NR1H4: variants seen among roughly 807,000 people sequenced by gnomAD.
The protein encoded by NR1H4 is nuclear receptor subfamily 1 group H member 4, also known as bile acid receptor.
A neutral mutation model predicts 58.5 loss-of-function variants in NR1H4; 23 were observed. The observed-to-expected ratio is 0.39, with a 90% CI of 0.28 to 0.56. The LOEUF is 0.56. Ranked by LOEUF, NR1H4 falls within the 20% of genes least tolerant of loss-of-function variation. NR1H4 has a pLI of 0.58. For missense variants in NR1H4, 487 were observed against 576.9 expected, an observed-to-expected ratio of 0.84 and a Z score of 1.60; for synonymous variants, 214 against 198.0, an observed-to-expected ratio of 1.08 and a Z score of -0.68.
In NR1H4 at chr12:100,561,962, T is replaced by G. The variant is rs1321307249; in HGVS notation, c.1156T>G (p.Tyr386Asp). The part of the protein sequence containing the change: ...IGELKMTQEE[Y>D]ALLTAIVILS... ...GGAACTGAAAATGACTCAAGAGGAG[T>G]ATGCTCTGCTTACAGCAATTGTTAT... is the stretch of plus-strand genomic sequence containing the variant. The change falls in exon 10 of 11, where the codon TAT becomes GAT. Residue 386 changes from tyrosine to aspartate, a missense_variant. Transcript: ENST00000392986. 6.4e-7 allele frequency: 1 copy of G among 1,565,000 alleles called. No homozygotes were observed. The highest frequency in any genetic ancestry group is 2.2e-5 in the East Asian group (1 of 44,528).
intron 9 of NR1H4, among the ~76,000 whole-genome samples, chr12:100,553,056 T>C (rs1197869903): frequency 3.3e-5 from 5 of 152,282 alleles, no homozygotes. Context: ...TAGAGTGCAG[T>C]GCAGCGATCT....
chr12:100,484,858 G>A (rs1014406807), intron 1 of NR1H4, among the ~76,000 whole-genome samples: 10 of 152,212 alleles, frequency 6.6e-5, no homozygotes, highest in African/African-American at 2.4e-4. Context: ...ATTTTATGGG[G>A]AGGAATTACT....
intron 4 of NR1H4, among the ~76,000 whole-genome samples, chr12:100,524,740 G>A (rs887394260): frequency 1.3e-5 from 2 of 152,134 alleles, no homozygotes; most frequent in Non-Finnish European, 2.9e-5. Flanking sequence ...CAACCCCTAA[G>A]AACCACTTCA....
At chr12:100,500,858 C>A (rs113406615) in intron 3 of NR1H4, among the ~76,000 whole-genome samples, 2 of 152,136 alleles carry the variant, frequency 1.3e-5, no homozygotes, top group Admixed American at 1.3e-4. Flanking sequence ...GTCAATTAAA[C>A]CTTTTTTCTT....
chr12:100,487,595 CTTTTTTTTT>C lies in NR1H4; in HGVS notation c.-189-4897_-189-4889del, dbSNP rs34694873. ...ACCTGCTCTGATTCTTCTTCTTCTT[CTTTTTTTTT>C]TTTTTTTTTTGAGACGAGTCTCACT... On this transcript the variant is annotated intron_variant, in intron 1 of 10. Transcript: ENST00000392986. Among the ~76,000 whole-genome samples, 16 of 115,984 alleles carry C rather than the reference CTTTTTTTTT, an allele frequency of 1.4e-4. 1 individual carries two copies. Among genetic ancestry groups the C allele is most frequent in the Non-Finnish European group, 2.6e-4 (15 of 57,504 alleles). The allele number at this position is 115,984 out of a possible 152,430, so 76.1% of individuals were successfully genotyped here.
chr12:100,492,046 A>G (rs1241050116), intron 1 of NR1H4, among the ~76,000 whole-genome samples: 1 of 152,238 alleles, frequency 6.6e-6, no homozygotes, highest in Non-Finnish European at 1.5e-5. Flanking sequence ...TAAGCTTGAT[A>G]TCATGGATCA....
chr12:100,486,291 A>G (rs1217321688), intron 1 of NR1H4, among the ~76,000 whole-genome samples: 1 of 152,254 alleles, frequency 6.6e-6, no homozygotes, highest in East Asian at 1.9e-4. Context: ...CAAAGGGAAT[A>G]TGAAATAAAT....
chr12:100,505,349 T>C (rs1953934862), intron 3 of NR1H4, among the ~76,000 whole-genome samples: 1 of 152,200 alleles, frequency 6.6e-6, no homozygotes, highest in African/African-American at 2.4e-5. Context: ...ATGCCACATG[T>C]GGCTATTCAA....
intron 1 of NR1H4, among the ~76,000 whole-genome samples, 184 bp from the exon 2 acceptor site, chr12:100,492,319 C>T (rs1278187188): frequency 6.6e-6 from 1 of 152,110 alleles, no homozygotes; most frequent in South Asian, 2.1e-4. Context: ...ATCCAAAAAA[C>T]CCACTATATC....
chr12:100,517,798 T>A (rs1954305454), intron 4 of NR1H4, among the ~76,000 whole-genome samples: 1 of 152,214 alleles, frequency 6.6e-6, no homozygotes, highest in Non-Finnish European at 1.5e-5. Context: ...ATGCCCATTT[T>A]ATGGAAGTGG....
chr12:100,505,292 G>A (rs754184523), intron 3 of NR1H4, among the ~76,000 whole-genome samples: 6 of 152,138 alleles, frequency 3.9e-5, no homozygotes, highest in Non-Finnish European at 8.8e-5. Flanking sequence ...CCCATTTGGG[G>A]GTACAGTGGT....
intron 4 of NR1H4, among the ~76,000 whole-genome samples, chr12:100,527,540 G>T (rs561797122): frequency 6.6e-6 from 1 of 152,204 alleles, no homozygotes; most frequent in Non-Finnish European, 1.5e-5. Context: ...TAAAAAAATA[G>T]GAAATAAAAA....
At position 100,532,496 on chromosome 12, in the gene NR1H4, A is replaced by G. The variant is rs200931561; in HGVS notation, c.484A>G (p.Lys162Glu). The G allele has an allele frequency of 6.2e-7, 1 of 1,614,194 alleles. No individual in the cohort carries two copies. Among genetic ancestry groups the G allele is most frequent in the East Asian group, 2.2e-5 (1 of 44,886 alleles). The change falls in exon 5 of 11, where the codon AAG becomes GAG. Residue 162 changes from lysine to glutamate, a missense_variant. Coordinates refer to ENST00000392986, the MANE Select transcript of NR1H4 (RefSeq NM_001206979.2). ...AAGCATTACCAAAAACGCTGTGTAC[A>G]AGTGTAAAAACGGGGGCAACTGTGT... ...RRSITKNAVY[K>E]CKNGGNCVMD...
intron 3 of NR1H4, among the ~76,000 whole-genome samples, chr12:100,495,969 G>A (rs994817295): frequency 2.0e-5 from 3 of 152,162 alleles, no homozygotes; most frequent in Non-Finnish European, 4.4e-5. Flanking sequence ...CAGGGGTTCA[G>A]AAGGGTTAAT....
At chr12:100,517,329 G>A (rs1024479874) in intron 4 of NR1H4, among the ~76,000 whole-genome samples, 20 of 151,992 alleles carry the variant, frequency 1.3e-4, no homozygotes, top group African/African-American at 2.7e-4. Flanking sequence ...AATATCCTCC[G>A]GGCTCATCCA....
intron 9 of NR1H4, among the ~76,000 whole-genome samples, chr12:100,546,450 C>A (rs375439513): frequency 6.6e-6 from 1 of 152,054 alleles, no homozygotes; most frequent in Non-Finnish European, 1.5e-5. Flanking sequence ...AATCCCAGCA[C>A]TTTGGGAGGC....
At chr12:100,477,936 A>G (rs1015800665) in intron 1 of NR1H4, among the ~76,000 whole-genome samples, 1 of 152,216 alleles carries the variant, frequency 6.6e-6, no homozygotes, top group African/African-American at 2.4e-5. Flanking sequence ...TTAAGACTAC[A>G]TTTAAAAATC....
intron 3 of NR1H4, among the ~76,000 whole-genome samples, chr12:100,500,997 A>G (rs914634973): frequency 6.6e-6 from 1 of 152,120 alleles, no homozygotes. Context: ...TTTTAGGGAA[A>G]AAATAATATG....
At chr12:100,559,762 T>C (rs2136319027) in intron 9 of NR1H4, among the ~76,000 whole-genome samples, 1 of 152,352 alleles carries the variant, frequency 6.6e-6, no homozygotes, top group African/African-American at 2.4e-5. Context: ...GGCTGAGGAA[T>C]GCGAGCGCAG....
Sources: gnomAD v4.1 joint callset for allele counts (sites outside exome capture counted in the v4.1 genomes callset) on GRCh38, gnomAD v4.1.1 for gene constraint, MANE v1.5 for transcripts, NCBI Gene and HGNC (gene_info 2026-07-23, HGNC 2026-07-21) for gene names.